The following ASIC4 variants were observed in gnomAD, a reference collection of about 807,000 sequenced individuals.
ASIC4 encodes the protein acid sensing ion channel subunit family member 4.
In ASIC4, 28 loss-of-function variants were observed where a neutral mutation model predicts 53.4. That is an observed-to-expected ratio of 0.52 (90% CI 0.39 to 0.72). The LOEUF is 0.72. Among genes scored for constraint, ASIC4 ranks in the 30% least tolerant of loss-of-function variants. The pLI, the probability that ASIC4 is intolerant of heterozygous loss-of-function variation, is 0.00. For synonymous variants in ASIC4, 289 were observed against 301.4 expected, an observed-to-expected ratio of 0.96 and a Z score of 0.43; for missense variants, 649 against 729.7, an observed-to-expected ratio of 0.89 and a Z score of 1.27.
chr2:219,511,502 C>T (rs1271932341), upstream of ASIC4, among the ~76,000 whole-genome samples: 1 of 152,054 alleles, frequency 6.6e-6, no homozygotes, highest in East Asian at 1.9e-4. The surrounding 1 kb of genome is among the most constrained non-coding windows in gnomAD (Gnocchi z 5.3). Context: ...GTGAATTGGA[C>T]TGGGAATAAA....
rs1216109042 is a variant in ASIC4, at chr2:219,514,842, C to G, written c.118C>G (p.Arg40Gly). The G allele has an allele frequency of 1.2e-6, 2 of 1,613,122 alleles. No homozygotes were observed. The highest frequency in any genetic ancestry group is 1.1e-5 in the South Asian group (1 of 91,080). Residue 40 changes from arginine to glycine, a missense_variant, in exon 1 of 10, where the codon CGA (arginine) becomes GGA (glycine). Transcript: ENST00000358078. ...GGCTGTTGCCCCTGGAGCAGCCCCC[C>G]GAGACCTGGCCACCTTTGCCAGCAC... ...LGAVAPGAAP[R>G]DLATFASTST...
Position 219,532,323 on chromosome 2 carries a change from C to A in ASIC4, c.864C>A (p.Tyr288Ter). The A allele has an allele frequency of 6.2e-7, 1 of 1,610,184 alleles. No homozygotes were observed. The highest frequency in any genetic ancestry group is 8.5e-7 in the Non-Finnish European group (1 of 1,176,790). ...ATGCCCCACCTCTGCAGCTGACCTA[C>A]CTGCCCCAGCCCTGGGGCAACTGCC... ...FVSCQEQRLTYLPQPWGNCRA... is the reference protein window; with the variant it reads ...FVSCQEQRLT The change falls in exon 4 of 10, where the codon TAC (tyrosine) becomes TAA (stop). Residue 288 changes from tyrosine (Y) to a stop codon, truncating the protein, a stop_gained. Transcript: ENST00000358078. LOFTEE classifies it high-confidence loss of function.
In ASIC4 at chr2:219,537,251, G is replaced by A; in HGVS notation, c.1331G>A (p.Gly444Glu). The A allele has an allele frequency of 6.2e-7, 1 of 1,613,700 alleles. No individual in the cohort carries two copies. Among genetic ancestry groups the A allele is most frequent in the East Asian group, 2.2e-5 (1 of 44,866 alleles). ...CTCTCCTGCTTCCCAGGAGACCTCG[G>A]GGGACAGATGGGCCTGTTCATTGGG... Reference protein sequence around the residue: ...YGLSALLGDLGGQMGLFIGAS... With the variant: ...YGLSALLGDLEGQMGLFIGAS... The change falls in exon 8 of 10, where the codon GGG becomes GAG. Residue 444 changes from glycine to glutamate, a missense_variant. Transcript: ENST00000358078. This position sits in a 1 kb window ranked among gnomAD's most constrained non-coding sequence, Gnocchi z 4.9.
rs1007884703 is a variant in ASIC4 at position 219,518,445 on chromosome 2, G to A, written c.582+3139G>A. Among the ~76,000 whole-genome samples the A allele has an allele frequency of 1.7e-4, 26 of 152,020 alleles. No individual in the cohort carries two copies. The highest frequency in any genetic ancestry group is 3.4e-4 in the Non-Finnish European group (23 of 67,982). On this transcript the variant is annotated intron_variant, in intron 1 of 9. Coordinates refer to ENST00000358078, the MANE Select transcript of ASIC4 (RefSeq NM_018674.6). This position sits in a 1 kb window ranked among gnomAD's most constrained non-coding sequence, Gnocchi z 4.8. ...AAGAGGGAAGAGAGGAAAGAGGAGA[G>A]GGCCCTGGGAGGTGGGCCCCGTATG...
Position 219,536,900 on chromosome 2 carries a change from C to G in ASIC4, c.1230-166C>G, listed in dbSNP as rs530397933. Among the ~76,000 whole-genome samples, 8 of 152,308 alleles carry G rather than the reference C, an allele frequency of 5.3e-5. No individual in the cohort carries two copies. Among genetic ancestry groups the G allele is most frequent in the Non-Finnish European group, 8.8e-5 (6 of 68,020 alleles). Reference sequence around the variant, plus strand: ...GCTACCCCTCAAAAGATGAAGCTAACACACATCCGGGACTGCCTCCCCTCA... The same window carrying G: ...GCTACCCCTCAAAAGATGAAGCTAAGACACATCCGGGACTGCCTCCCCTCA... On this transcript the variant is annotated intron_variant, in intron 6 of 9. Transcript: ENST00000358078. The surrounding 1 kb of genome is among the most constrained non-coding windows in gnomAD (Gnocchi z 4.6).
At position 219,537,442 on chromosome 2, in the gene ASIC4, G is replaced by A; in HGVS notation, c.1401+121G>A. 7.9e-7 allele frequency: 1 copy of A among 1,263,528 alleles called. No homozygotes were observed. The highest frequency in any genetic ancestry group is 1.1e-6 in the Non-Finnish European group (1 of 897,644). 78.3% of individuals were successfully genotyped at this position (1,263,528 alleles called of 1,614,324 possible). On this transcript the variant is annotated intron_variant, in intron 8 of 9. Coordinates refer to ENST00000358078, the MANE Select transcript of ASIC4 (RefSeq NM_018674.6). The surrounding 1 kb of genome is among the most constrained non-coding windows in gnomAD (Gnocchi z 4.9). ...AGTCAGGTTCAGGGTTCTCTGCCAGGGTCCCCTGACTGGCTGGCAGGCCTG... is the reference window on the plus strand; with the variant it reads ...AGTCAGGTTCAGGGTTCTCTGCCAGAGTCCCCTGACTGGCTGGCAGGCCTG...
chr2:219,518,055 C>T lies in ASIC4; in HGVS notation c.582+2749C>T, dbSNP rs1228924649. On this transcript the variant is annotated intron_variant, in intron 1 of 9. Transcript: ENST00000358078. The surrounding 1 kb of genome is among the most constrained non-coding windows in gnomAD (Gnocchi z 4.8). ...CCACTGCAATCGCTCTCCCCCCACG[C>T]TCCCTAATATCCCTTCATGCACTCC... 6.6e-6 allele frequency among the ~76,000 whole-genome samples: 1 copy of T among 152,162 alleles called. No homozygotes were observed. The highest frequency in any genetic ancestry group is 1.5e-5 in the Non-Finnish European group (1 of 68,034).
rs72969420 is a variant in ASIC4, at chr2:219,520,643, C to T, written c.582+5337C>T. Among the ~76,000 whole-genome samples the T allele has an allele frequency of 2.9e-3, 440 of 152,350 alleles. 2 individuals are homozygous for T. Among genetic ancestry groups the T allele is most frequent in the Non-Finnish European group, 5.0e-3 (343 of 68,018 alleles). ...TGCCCACTGAGGTGGGTTCAAGCCT[C>T]TTATCTACCGCACAGGCTTGCCTCT... On this transcript the variant is annotated intron_variant, in intron 1 of 9. Transcript: ENST00000358078.
chr2:219,537,574 C>A lies in ASIC4; in HGVS notation c.1402-58C>A. The A allele has an allele frequency of 6.8e-7, 1 of 1,475,418 alleles. No individual in the cohort carries two copies. The highest frequency in any genetic ancestry group is 9.3e-7 in the Non-Finnish European group (1 of 1,077,118). 91.4% of individuals were successfully genotyped at this position (1,475,418 alleles called of 1,614,324 possible). A position where few individuals can be genotyped will look rare whatever the true frequency, so the allele number is the denominator to read the frequency against. On this transcript the variant is annotated intron_variant, in intron 8 of 9. Transcript: ENST00000358078. This position sits in a 1 kb window ranked among gnomAD's most constrained non-coding sequence, Gnocchi z 4.9. ...GGGCAGCTGGGCATGGTAAGGCTCA[C>A]GCTTCTCCTCAACCAAATTTCCTGA... is the stretch of plus-strand genomic sequence containing the variant.
chr2:219,522,872 G>A (rs1694909972), intron 1 of ASIC4, among the ~76,000 whole-genome samples: 1 of 152,162 alleles, frequency 6.6e-6, no homozygotes, highest in Non-Finnish European at 1.5e-5. Context: ...GAGGAGAGCG[G>A]AGGAGCCCGC....
chr2:219,534,407 A>G (rs570828704), intron 5 of ASIC4, among the ~76,000 whole-genome samples: 2 of 152,350 alleles, frequency 1.3e-5, no homozygotes, highest in East Asian at 3.9e-4. Context: ...AGGAGGAGAG[A>G]GAGACCTGTG....
chr2:219,532,227 C>T, intron 3 of ASIC4, 88 bp from the exon 4 acceptor site: 1 of 1,597,480 alleles, frequency 6.3e-7, no homozygotes, highest in Non-Finnish European at 8.6e-7. Context: ...TCAGAGCCTG[C>T]CAGCTGTGTT....
At chr2:219,510,252 C>G (rs1694684281), upstream of ASIC4, among the ~76,000 whole-genome samples, 1 of 151,874 alleles carries the variant, frequency 6.6e-6, no homozygotes, top group Non-Finnish European at 1.5e-5. This position sits in a 1 kb window ranked among gnomAD's most constrained non-coding sequence, Gnocchi z 5.2. Flanking sequence ...CTAATCCCTC[C>G]TGCTGCTGTG....
intron 5 of ASIC4, among the ~76,000 whole-genome samples, chr2:219,534,825 G>A (rs1038782929): frequency 1.3e-5 from 2 of 151,818 alleles, no homozygotes; most frequent in East Asian, 3.9e-4. Flanking sequence ...ATGCATCCCA[G>A]CATCCTCTCC....
Position 219,537,836 on chromosome 2 carries a change from C to T in ASIC4, c.1507-97C>T. The T allele has an allele frequency of 6.7e-7, 1 of 1,496,718 alleles. No homozygotes were observed. The highest frequency in any genetic ancestry group is 9.1e-7 in the Non-Finnish European group (1 of 1,094,760). The allele number at this position is 1,496,718 out of a possible 1,614,324, so 92.7% of individuals were successfully genotyped here. A position where few individuals can be genotyped will look rare whatever the true frequency, so the allele number is the denominator to read the frequency against. On this transcript the variant is annotated intron_variant, in intron 9 of 9. Transcript: ENST00000358078. This position sits in a 1 kb window ranked among gnomAD's most constrained non-coding sequence, Gnocchi z 4.9. ...CCAGCCTGTGGAGGGGGCCCTGGAG[C>T]CTCTGCCCGAGGTGACAAGGAAAGG...
In ASIC4 at chr2:219,531,874, G is replaced by A; in HGVS notation, c.699G>A (p.Glu233=). 6.2e-7 allele frequency: 1 copy of A among 1,612,900 alleles called. No individual in the cohort carries two copies. Among genetic ancestry groups the A allele is most frequent in the South Asian group, 1.1e-5 (1 of 90,868 alleles). The change falls in exon 2 of 10, where the codon GAG becomes GAA. Residue 233 remains glutamate (E), a synonymous_variant. Coordinates refer to ENST00000358078, the MANE Select transcript of ASIC4 (RefSeq NM_018674.6). ...AGATCATGCTGGACATCCAGCAGGAGGAGTACCTGCCCATCTGGAGGGAGA... is the reference window on the plus strand; with the variant it reads ...AGATCATGCTGGACATCCAGCAGGAAGAGTACCTGCCCATCTGGAGGGAGA... ...GLEIMLDIQQ[E]EYLPIWRETN...
At chr2:219,535,612 TGAGAGA>T (rs1317433876) in intron 6 of ASIC4, among the ~76,000 whole-genome samples, 3 of 151,032 alleles carry the variant, frequency 2.0e-5, no homozygotes, top group African/African-American at 7.3e-5. Context: ...GGTATGTGTG[TGAGAGA>T]ATGTGTCTAT....
rs1333610628 is a variant in ASIC4 at position 219,537,208 on chromosome 2, C to T, written c.1322-34C>T. The T allele has an allele frequency of 2.5e-6, 4 of 1,611,304 alleles. No homozygotes were observed. Among genetic ancestry groups the T allele is most frequent in the African/African-American group, 1.3e-5 (1 of 74,842 alleles). On this transcript the variant is annotated intron_variant, in intron 7 of 9. Coordinates refer to ENST00000358078, the MANE Select transcript of ASIC4 (RefSeq NM_018674.6). The surrounding 1 kb of genome is among the most constrained non-coding windows in gnomAD (Gnocchi z 4.9). Reference sequence around the variant, plus strand: ...CTTGTGTGGGGGTGGATCGGCCCGGCCGCTCCCTCTGACACTGCTCTCCTG... The same window carrying T: ...CTTGTGTGGGGGTGGATCGGCCCGGTCGCTCCCTCTGACACTGCTCTCCTG...
At chr2:219,511,402 C>CA (rs59055891), upstream of ASIC4, among the ~76,000 whole-genome samples, 2 of 150,890 alleles carry the variant, frequency 1.3e-5, no homozygotes, top group African/African-American at 2.4e-5. This position sits in a 1 kb window ranked among gnomAD's most constrained non-coding sequence, Gnocchi z 5.3. Flanking sequence ...GCCCCCCCCC[C>CA]ACATTCTGCC....
Sources: gnomAD v4.1 joint callset for allele counts (sites outside exome capture counted in the v4.1 genomes callset) on GRCh38, gnomAD v4.1.1 for gene constraint, Gnocchi (gnomAD v3.1) non-coding constraint, MANE v1.5 for transcripts, NCBI Gene and HGNC (gene_info 2026-07-23, HGNC 2026-07-21) for gene names.